HSD17B4: variants seen among roughly 807,000 people sequenced by gnomAD.
The protein encoded by HSD17B4 is peroxisomal multifunctional enzyme type 2.
Under a neutral mutation model 101.0 loss-of-function variants are expected in HSD17B4, and 70 were observed. The observed-to-expected ratio is 0.69, with a 90% CI of 0.57 to 0.85. The LOEUF (loss-of-function observed/expected upper bound fraction) is 0.85, where lower values mean the gene tolerates loss of function less well. Ranked by LOEUF, HSD17B4 falls within the 40% of genes least tolerant of loss-of-function variation. HSD17B4 has a pLI of 0.00. For synonymous variants in HSD17B4, 347 were observed against 297.1 expected (o/e 1.17, Z -1.73); for missense variants, 984 against 892.4 (o/e 1.10, Z -1.31).
chr5:119,459,256 C>A (rs556954701), intron 2 of HSD17B4, among the ~76,000 whole-genome samples: 14 of 152,272 alleles, frequency 9.2e-5, no homozygotes, highest in Admixed American at 7.2e-4. Flanking sequence ...AATTATATGA[C>A]CTCTCTGTTT....
chr5:119,517,994 C>T (rs966854134), intron 17 of HSD17B4, among the ~76,000 whole-genome samples: 1 of 152,128 alleles, frequency 6.6e-6, no homozygotes, highest in African/African-American at 2.4e-5. Flanking sequence ...ACGCACCAAT[C>T]AGCGCCCTGT....
At chr5:119,513,819 T>C (rs1034931665) in intron 16 of HSD17B4, among the ~76,000 whole-genome samples, 1 of 152,228 alleles carries the variant, frequency 6.6e-6, no homozygotes, top group Non-Finnish European at 1.5e-5. Context: ...TTCTAGTCTG[T>C]TAACAGTAAA....
chr5:119,506,394 A>G (rs987903380), intron 14 of HSD17B4, among the ~76,000 whole-genome samples: 14 of 151,948 alleles, frequency 9.2e-5, no homozygotes, highest in African/African-American at 3.1e-4. Context: ...TATGTGCCAC[A>G]TTTTCTTTAT....
chr5:119,465,416 C>G (rs1478430958), intron 2 of HSD17B4, among the ~76,000 whole-genome samples: 1 of 152,114 alleles, frequency 6.6e-6, no homozygotes, highest in African/African-American at 2.4e-5. Context: ...AGTCTGGGAC[C>G]TCCTTCTCTC....
intron 22 of HSD17B4, among the ~76,000 whole-genome samples, chr5:119,534,828 TCTTA>T (rs960213966): frequency 3.5e-4 from 53 of 152,128 alleles, no homozygotes; most frequent in African/African-American, 1.3e-3. Flanking sequence ...CTGTTTCTTC[TCTTA>T]CTAACAGCAG....
At chr5:119,529,455 A>G (rs1187406902) in intron 20 of HSD17B4, among the ~76,000 whole-genome samples, 2 of 152,194 alleles carry the variant, frequency 1.3e-5, no homozygotes, top group Non-Finnish European at 2.9e-5. Context: ...TTTGAGTACC[A>G]TTACCTCATG....
At chr5:119,484,341 T>G (rs1411371330) in intron 8 of HSD17B4, among the ~76,000 whole-genome samples, 1 of 152,254 alleles carries the variant, frequency 6.6e-6, no homozygotes, top group Non-Finnish European at 1.5e-5. Flanking sequence ...GGTCTATTTC[T>G]GGCTTCTCTG....
intron 21 of HSD17B4, 104 bp from the exon 22 acceptor site, chr5:119,531,162 T>A: frequency 8.9e-7 from 1 of 1,123,926 alleles, no homozygotes; most frequent in Non-Finnish European, 1.3e-6. Context: ...CTGACTTATG[T>A]ACAGAGTTTT....
At chr5:119,465,970 T>C (rs77770141) in intron 2 of HSD17B4, among the ~76,000 whole-genome samples, 3,163 of 152,322 alleles carry the variant, frequency 0.021, 104 homozygotes, top group African/African-American at 0.069. Context: ...TTGTAATATA[T>C]GACCTTTGTT....
At chr5:119,474,327 T>G (rs1198105614) in intron 3 of HSD17B4, 74 bp from the exon 4 acceptor site, 2 of 894,738 alleles carry the variant, frequency 2.2e-6, no homozygotes, top group African/African-American at 1.6e-5. Flanking sequence ...TGTCGTGTAC[T>G]CTGACCCACA....
chr5:119,523,795 A>T (rs1580692031), intron 17 of HSD17B4, among the ~76,000 whole-genome samples: 1 of 152,164 alleles, frequency 6.6e-6, no homozygotes, highest in East Asian at 1.9e-4. Context: ...GCTTTATCCC[A>T]CCTTTTTCCA....
chr5:119,503,076 T>TTTGTGTGTG (rs1356722542), intron 14 of HSD17B4, among the ~76,000 whole-genome samples: 47 of 140,642 alleles, frequency 3.3e-4, no homozygotes, highest in African/African-American at 1.2e-3. Flanking sequence ...ACCTTGGAAA[T>TTTGTGTGTG]TGTGTGTGTG....
chr5:119,516,219 T>C lies in HSD17B4; in HGVS notation c.1503+1173T>C, dbSNP rs116487743. Among the ~76,000 whole-genome samples, 1,100 of 152,316 alleles carry C rather than the reference T, an allele frequency of 7.2e-3. 14 individuals are homozygous for C. The highest frequency in any genetic ancestry group is 0.025 in the African/African-American group (1,048 of 41,562). The stretch of plus-strand genomic sequence containing the variant: ...TTTTTCCATCCATTACTGTTTCTTA[T>C]GAATTTCTTAAGAATGTGCTCATAT... On this transcript the variant is annotated intron_variant, in intron 17 of 23. Coordinates refer to ENST00000510025, the MANE Select transcript of HSD17B4 (RefSeq NM_000414.4).
chr5:119,467,504 T>G (rs1755926806), intron 2 of HSD17B4, among the ~76,000 whole-genome samples: 1 of 152,236 alleles, frequency 6.6e-6, no homozygotes, highest in Non-Finnish European at 1.5e-5. Context: ...ACAACTGTTA[T>G]GTCCTCTTGC....
At chr5:119,490,241 G>C (rs1483513433) in intron 9 of HSD17B4, among the ~76,000 whole-genome samples, 1 of 152,140 alleles carries the variant, frequency 6.6e-6, no homozygotes, top group Non-Finnish European at 1.5e-5. Flanking sequence ...GTGAATTGTG[G>C]CATAGTAGAG....
At chr5:119,499,771 G>A in intron 13 of HSD17B4, 2 of 329,738 alleles carry the variant, frequency 6.1e-6, no homozygotes, top group Non-Finnish European at 1.1e-5. Context: ...TAACAAGTAT[G>A]TGTAGTCCCA....
At chr5:119,537,611 A>G (rs1404428389) in intron 23 of HSD17B4, among the ~76,000 whole-genome samples, 1 of 152,162 alleles carries the variant, frequency 6.6e-6, no homozygotes, top group African/African-American at 2.4e-5. Flanking sequence ...GTTAGAGAAG[A>G]GTAAGCCTGA....
intron 2 of HSD17B4, among the ~76,000 whole-genome samples, chr5:119,466,053 C>A (rs1438746763): frequency 6.6e-6 from 1 of 152,154 alleles, no homozygotes; most frequent in Admixed American, 6.5e-5. Flanking sequence ...AATGTTACCA[C>A]ATGCTTTCTC....
At chr5:119,465,996 C>A (rs1480271002) in intron 2 of HSD17B4, among the ~76,000 whole-genome samples, 1 of 152,150 alleles carries the variant, frequency 6.6e-6, no homozygotes, top group African/African-American at 2.4e-5. Flanking sequence ...GAGGTACATT[C>A]CTTCTGTACC....
Sources: gnomAD v4.1 joint callset for allele counts (sites outside exome capture counted in the v4.1 genomes callset) on GRCh38, gnomAD v4.1.1 for gene constraint, MANE v1.5 for transcripts, NCBI Gene and HGNC (gene_info 2026-07-23, HGNC 2026-07-21) for gene names.